Variants in CAMK4 observed in about 807,000 individuals in gnomAD.
The protein encoded by CAMK4 is calcium/calmodulin-dependent protein kinase type IV.
In CAMK4, 22 loss-of-function variants were observed where a neutral mutation model predicts 44.9. That is an observed-to-expected ratio of 0.49 (90% CI 0.35 to 0.70). The LOEUF is 0.70. Ranked by LOEUF, CAMK4 falls within the 30% of genes least tolerant of loss-of-function variation. CAMK4 has a pLI of 0.01. For missense variants in CAMK4, 498 were observed against 586.8 expected (o/e 0.85, Z 1.56); for synonymous variants, 218 against 215.4 (o/e 1.01, Z -0.11).
chr5:111,229,585 C>G (rs772793368), intron 1 of CAMK4, among the ~76,000 whole-genome samples: 5 of 152,214 alleles, frequency 3.3e-5, no homozygotes, highest in African/African-American at 1.2e-4. Flanking sequence ...CTAAACCATT[C>G]TCGTGACCAG....
At chr5:111,455,808 G>T (rs770656475) in intron 7 of CAMK4, among the ~76,000 whole-genome samples, 7 of 152,188 alleles carry the variant, frequency 4.6e-5, no homozygotes, top group Non-Finnish European at 1.0e-4. Context: ...TTGGAAGTCA[G>T]ATGGCTGTTC....
chr5:111,467,595 A>G (rs1381884775), intron 7 of CAMK4, among the ~76,000 whole-genome samples: 1 of 152,122 alleles, frequency 6.6e-6, no homozygotes, highest in Non-Finnish European at 1.5e-5. Context: ...CAAACATATG[A>G]AAAAAATGCC....
At chr5:111,413,004 C>A (rs1752683556) in intron 5 of CAMK4, among the ~76,000 whole-genome samples, 1 of 152,138 alleles carries the variant, frequency 6.6e-6, no homozygotes, top group South Asian at 2.1e-4. Flanking sequence ...AGCAGTAATT[C>A]TTGTACTGCT....
intron 7 of CAMK4, among the ~76,000 whole-genome samples, chr5:111,467,913 A>G (rs1235680699): frequency 1.4e-5 from 2 of 146,230 alleles, no homozygotes; most frequent in East Asian, 2.0e-4. Flanking sequence ...GCTATCAATC[A>G]GTGAGTTCGT....
rs1028231437 is a variant in CAMK4, at chr5:111,256,336, T to C, written c.161+31692T>C. On this transcript the variant is annotated intron_variant, in intron 1 of 10. Coordinates refer to ENST00000282356, the MANE Select transcript of CAMK4 (RefSeq NM_001744.6). ...CAAAGAGGAACATGAGTGATACTATTGTGGGGATGTAATAGTTTTGTATCT... is the reference window on the plus strand; with the variant it reads ...CAAAGAGGAACATGAGTGATACTATCGTGGGGATGTAATAGTTTTGTATCT... 6.6e-5 allele frequency among the ~76,000 whole-genome samples: 10 copies of C among 152,112 alleles called. 1 individual carries two copies. Among genetic ancestry groups the C allele is most frequent in the South Asian group, 4.2e-4 (2 of 4,816 alleles).
chr5:111,354,842 C>T (rs187284633), intron 2 of CAMK4, among the ~76,000 whole-genome samples: 1 of 152,202 alleles, frequency 6.6e-6, no homozygotes, highest in Admixed American at 6.5e-5. Flanking sequence ...ACTGTGCCCT[C>T]AACCAGGCAG....
At chr5:111,476,241 G>T (rs113368811) in intron 8 of CAMK4, among the ~76,000 whole-genome samples, 3 of 9,246 alleles carry the variant, frequency 3.2e-4, no homozygotes, top group Non-Finnish European at 1.2e-3. Flanking sequence ...TTGCTTCTTT[G>T]TGTGTGTGTG....
In CAMK4 at chr5:111,487,346, C is replaced by T. The variant is rs868866930; in HGVS notation, c.*2880C>T. ...GGTTTTTTTTTATAACCATGAAGGA[C>T]AGTCTTGAATTATTTCCCCCATTAA... On this transcript the variant is annotated 3_prime_UTR_variant, in exon 11 of 11. Coordinates refer to ENST00000282356, the MANE Select transcript of CAMK4 (RefSeq NM_001744.6). The T allele has an allele frequency of 4.6e-5, 7 of 152,072 alleles. No individual in the cohort carries two copies. The highest frequency in any genetic ancestry group is 1.7e-4 in the African/African-American group (7 of 41,406). 9.4% of individuals were successfully genotyped at this position (152,072 alleles called of 1,614,324 possible). A position where few individuals can be genotyped will look rare whatever the true frequency, so the allele number is the denominator to read the frequency against.
intron 7 of CAMK4, among the ~76,000 whole-genome samples, chr5:111,459,341 T>G (rs1427251347): frequency 6.6e-6 from 1 of 152,206 alleles, no homozygotes. Flanking sequence ...CAACTAAAGC[T>G]GTCGGCAATA....
At chr5:111,281,960 A>G (rs571525703) in intron 1 of CAMK4, among the ~76,000 whole-genome samples, 15 of 151,812 alleles carry the variant, frequency 9.9e-5, no homozygotes, top group Admixed American at 7.9e-4. Flanking sequence ...CGGGAGGCTG[A>G]GGCAGGAGAA....
chr5:111,330,289 A>G (rs1749109337), intron 1 of CAMK4, among the ~76,000 whole-genome samples: 1 of 151,598 alleles, frequency 6.6e-6, no homozygotes, highest in Admixed American at 6.6e-5. Flanking sequence ...ACTTTAACAA[A>G]AGACATAAAA....
At chr5:111,460,218 A>G (rs1279410280) in intron 7 of CAMK4, among the ~76,000 whole-genome samples, 1 of 150,788 alleles carries the variant, frequency 6.6e-6, no homozygotes, top group Non-Finnish European at 1.5e-5. Context: ...GAGAAGGTTT[A>G]TATCTCCGTT....
At chr5:111,364,457 C>A (rs1750714372) in intron 2 of CAMK4, among the ~76,000 whole-genome samples, 1 of 152,038 alleles carries the variant, frequency 6.6e-6, no homozygotes, top group Admixed American at 6.6e-5. Context: ...TCATTCATTG[C>A]AAAATAAAAA....
chr5:111,353,474 C>T (rs537687589), intron 2 of CAMK4, among the ~76,000 whole-genome samples: 6 of 151,492 alleles, frequency 4.0e-5, no homozygotes, highest in African/African-American at 7.3e-5. Context: ...GATGTGTCAA[C>T]GAATAAAGGA....
Position 111,389,064 on chromosome 5 carries a change from A to G in CAMK4, c.387-5646A>G, listed in dbSNP as rs572810930. On this transcript the variant is annotated intron_variant, in intron 4 of 10. Transcript: ENST00000282356. ...TCTTATACTGAGTGGCTTATAAACAACAGAAATTTATTTCTCATGGTTCTG... is the reference window on the plus strand; with the variant it reads ...TCTTATACTGAGTGGCTTATAAACAGCAGAAATTTATTTCTCATGGTTCTG... Among the ~76,000 whole-genome samples the G allele has an allele frequency of 3.3e-5, 5 of 152,242 alleles. No homozygotes were observed. The East Asian group carries it at 7.7e-4, about 24-fold the overall frequency.
At chr5:111,455,283 C>T (rs1046754141) in intron 7 of CAMK4, among the ~76,000 whole-genome samples, 7 of 152,032 alleles carry the variant, frequency 4.6e-5, no homozygotes, top group African/African-American at 1.7e-4. Flanking sequence ...TAATATTCTA[C>T]AATAATATTC....
At chr5:111,308,335 T>C (rs1277230538) in intron 1 of CAMK4, among the ~76,000 whole-genome samples, 1 of 152,224 alleles carries the variant, frequency 6.6e-6, no homozygotes, top group African/African-American at 2.4e-5. Context: ...GAGCAAGCTT[T>C]AATTTTCAAA....
chr5:111,445,797 A>C (rs1754005352), intron 5 of CAMK4, among the ~76,000 whole-genome samples: 1 of 152,196 alleles, frequency 6.6e-6, no homozygotes, highest in Non-Finnish European at 1.5e-5. Flanking sequence ...ACCTAGATTC[A>C]CTAATGCCTA....
intron 7 of CAMK4, among the ~76,000 whole-genome samples, chr5:111,457,909 A>G (rs1754476317): frequency 6.6e-6 from 1 of 152,226 alleles, no homozygotes; most frequent in African/African-American, 2.4e-5. Flanking sequence ...TTTACAATGA[A>G]CTTTTAAAAA....
Sources: allele counts gnomAD v4.1 joint callset (sites outside exome capture counted in the v4.1 genomes callset), GRCh38; gene constraint gnomAD v4.1.1; transcripts MANE v1.5; gene names NCBI Gene and HGNC (gene_info 2026-07-23, HGNC 2026-07-21).